The following DNAAF11 variants were observed in gnomAD, a reference collection of about 807,000 sequenced individuals.
DNAAF11 encodes dynein axonemal assembly factor 11.
In DNAAF11, 45 loss-of-function variants were observed where a neutral mutation model predicts 60.8. That is an observed-to-expected ratio of 0.74 (90% CI 0.58 to 0.95). The LOEUF (loss-of-function observed/expected upper bound fraction) is 0.95, where lower values mean the gene tolerates loss of function less well. DNAAF11 is among the 40% of genes least tolerant of loss of function. DNAAF11 has a pLI of 0.00. For missense variants in DNAAF11, 546 were observed against 546.2 expected, an observed-to-expected ratio of 1.00 and a Z score of 0.00; for synonymous variants, 191 against 183.5, an observed-to-expected ratio of 1.04 and a Z score of -0.33.
chr8:132,575,566 C>T (rs1240743675), intron 11 of DNAAF11, among the ~76,000 whole-genome samples: 1 of 152,032 alleles, frequency 6.6e-6, no homozygotes, highest in Non-Finnish European at 1.5e-5. Flanking sequence ...AAGGGCTCTG[C>T]AAGTAGGATA....
the DNAAF11 span, among the ~76,000 whole-genome samples, chr8:132,693,802 T>C: frequency 6.6e-6 from 1 of 151,990 alleles, no homozygotes; most frequent in Non-Finnish European, 1.5e-5. Context: ...CAATGCCTGA[T>C]GAGGAGAGTG....
intron 10 of DNAAF11, among the ~76,000 whole-genome samples, chr8:132,604,195 T>C (rs1817920732): frequency 6.6e-6 from 1 of 152,154 alleles, no homozygotes. Context: ...ATAGACCCAC[T>C]TGACAATCAG....
intron 3 of DNAAF11, chr8:132,643,777 C>T (rs1822091613): frequency 6.6e-6 from 3 of 452,704 alleles, no homozygotes; most frequent in South Asian, 1.6e-5. Flanking sequence ...TCGTTAGACA[C>T]TTGTAATAGA....
At chr8:132,674,196 A>AAGGAGGAGGAGAAGGAGGAGG (rs1825536021) in intron 1 of DNAAF11, among the ~76,000 whole-genome samples, 1 of 94,218 alleles carries the variant, frequency 1.1e-5, no homozygotes, top group African/African-American at 4.9e-5. Flanking sequence ...GGAGGAGGAG[A>AAGGAGGAGGAGAAGGAGGAGG]AGGAGGAGGA....
At chr8:132,599,089 G>T (rs1817323802) in intron 10 of DNAAF11, among the ~76,000 whole-genome samples, 1 of 151,874 alleles carries the variant, frequency 6.6e-6, no homozygotes, top group African/African-American at 2.4e-5. Flanking sequence ...TGATAAAGGG[G>T]ATATCACCAC....
chr8:132,652,990 A>T (rs899804324), intron 3 of DNAAF11, among the ~76,000 whole-genome samples: 3 of 152,238 alleles, frequency 2.0e-5, no homozygotes, highest in African/African-American at 7.2e-5. Flanking sequence ...GGACTGAACT[A>T]TAAAATGAAC....
chr8:132,697,978 CTT>C, the DNAAF11 span, among the ~76,000 whole-genome samples: 1 of 152,194 alleles, frequency 6.6e-6, no homozygotes, highest in Non-Finnish European at 1.5e-5. Context: ...GTATTTATAA[CTT>C]GTCTTTAATT....
At chr8:132,691,500 C>T in the DNAAF11 span, among the ~76,000 whole-genome samples, 1 of 151,944 alleles carries the variant, frequency 6.6e-6, no homozygotes, top group African/African-American at 2.4e-5. Context: ...AAGATGGGTT[C>T]TCACACTGCT....
chr8:132,661,310 C>A lies in DNAAF11; in HGVS notation c.178+150G>T, dbSNP rs1824105616. 1.5e-5 allele frequency: 10 copies of A among 651,848 alleles called. No homozygotes were observed. The Admixed American group carries it at 2.8e-4, about 18-fold the overall frequency. 40.4% of individuals were successfully genotyped at this position (651,848 alleles called of 1,614,324 possible). On this transcript the variant is annotated intron_variant, in intron 2 of 11. Coordinates refer to ENST00000620350, the MANE Select transcript of DNAAF11 (RefSeq NM_012472.6). ...ACACACAGAAATGTTCAGGGAAACG[C>A]CCCCCACACAACCACTGAGAGATGG...
At chr8:132,688,896 G>A in the DNAAF11 span, among the ~76,000 whole-genome samples, 9 of 152,260 alleles carry the variant, frequency 5.9e-5, no homozygotes, top group East Asian at 9.6e-4. Flanking sequence ...TAAAAATACC[G>A]TTTAAAAGAC....
chr8:132,602,921 G>T (rs989640889), intron 10 of DNAAF11, among the ~76,000 whole-genome samples: 1 of 152,048 alleles, frequency 6.6e-6, no homozygotes, highest in African/African-American at 2.4e-5. Flanking sequence ...GTCCAAGTTA[G>T]ATAGTGTGAA....
At chr8:132,585,166 C>T (rs1586481703) in intron 10 of DNAAF11, among the ~76,000 whole-genome samples, 2 of 152,040 alleles carry the variant, frequency 1.3e-5, no homozygotes, top group African/African-American at 4.8e-5. Flanking sequence ...CATCTGAGAC[C>T]CCAGCATCAA....
At position 132,583,708 on chromosome 8, in the gene DNAAF11, T is replaced by C; in HGVS notation, c.1212A>G (p.Glu404=). The change falls in exon 11 of 12, where the codon GAA becomes GAG. Residue 404 remains glutamate, a synonymous_variant. Transcript: ENST00000620350. ...SMKTTSDRSR[E]QTNTRSKHME... ...GAGGGTGGTACCTTGTATTTGTTTG[T>C]TCTCTGCTCCTGTCCGAGGTAGTTT... The C allele has an allele frequency of 6.2e-7, 1 of 1,613,574 alleles. No individual in the cohort carries two copies. Among genetic ancestry groups the C allele is most frequent in the Non-Finnish European group, 8.5e-7 (1 of 1,179,554 alleles).
At chr8:132,605,047 T>C (rs1319477561) in intron 10 of DNAAF11, among the ~76,000 whole-genome samples, 1 of 152,202 alleles carries the variant, frequency 6.6e-6, no homozygotes, top group Non-Finnish European at 1.5e-5. Context: ...CAATGAATAA[T>C]ATTAACAGTA....
chr8:132,647,295 A>G (rs1198646846), intron 3 of DNAAF11, among the ~76,000 whole-genome samples: 1 of 152,194 alleles, frequency 6.6e-6, no homozygotes, highest in East Asian at 1.9e-4. Context: ...AACCAATGAG[A>G]ACCAATGAGA....
At chr8:132,651,258 T>C (rs1026624430) in intron 3 of DNAAF11, among the ~76,000 whole-genome samples, 4 of 150,660 alleles carry the variant, frequency 2.7e-5, no homozygotes, top group African/African-American at 9.8e-5. Flanking sequence ...CCCTGGTGAA[T>C]CTTCAACAGG....
upstream of DNAAF11, among the ~76,000 whole-genome samples, chr8:132,678,583 C>T (rs749106994): frequency 6.6e-6 from 1 of 152,008 alleles, no homozygotes; most frequent in Non-Finnish European, 1.5e-5. Flanking sequence ...TAAGGTCTCA[C>T]TGTGTTGCCC....
intron 4 of DNAAF11, among the ~76,000 whole-genome samples, chr8:132,636,178 C>T (rs928096864): frequency 1.3e-5 from 2 of 151,878 alleles, no homozygotes; most frequent in Non-Finnish European, 2.9e-5. Flanking sequence ...GACTCTAAAG[C>T]ATATCAACCT....
chr8:132,680,294 A>G (rs1201362879), upstream of DNAAF11, among the ~76,000 whole-genome samples: 1 of 152,220 alleles, frequency 6.6e-6, no homozygotes. Flanking sequence ...TGCTGGAACT[A>G]TAGCAAGATG....
Sources: gnomAD v4.1 joint callset for allele counts (sites outside exome capture counted in the v4.1 genomes callset) on GRCh38, gnomAD v4.1.1 for gene constraint, MANE v1.5 for transcripts, NCBI Gene and HGNC (gene_info 2026-07-23, HGNC 2026-07-21) for gene names.